The following FYB1 variants were observed in gnomAD, a reference collection of about 807,000 sequenced individuals.
The protein encoded by FYB1 is FYN binding protein 1.
In FYB1, 41 loss-of-function variants were observed where a neutral mutation model predicts 94.1. That is an observed-to-expected ratio of 0.44 (90% CI 0.34 to 0.57). FYB1 has a LOEUF of 0.57. Ranked by LOEUF, FYB1 falls within the 20% of genes least tolerant of loss-of-function variation. FYB1 has a pLI of 0.02. For synonymous variants in FYB1, 367 were observed against 353.2 expected (o/e 1.04, Z -0.44); for missense variants, 1,050 against 976.8 (o/e 1.07, Z -1.00).
At position 39,118,879 on chromosome 5, in the gene FYB1, C is replaced by T; in HGVS notation, c.2396G>A (p.Gly799Glu). ...DTKVLCRNEE[G>E]KYGYVLRSYL... ...TAGTATAAGCAGTGACTTACATTTC[C>T]CTTCTTCATTTCTGCAGAGAACTTT... The change falls in exon 16 of 19, where the codon GGG (glycine) becomes GAG (glutamate). Residue 799 changes from glycine to glutamate, a missense_variant. Coordinates refer to ENST00000512982, the MANE Select transcript of FYB1 (RefSeq NM_001465.6). The T allele has an allele frequency of 6.6e-7, 1 of 1,504,084 alleles. No homozygotes were observed. Among genetic ancestry groups the T allele is most frequent in the Non-Finnish European group, 9.0e-7 (1 of 1,117,286 alleles). The allele number at this position is 1,504,084 out of a possible 1,614,324, so 93.2% of individuals were successfully genotyped here.
intron 6 of FYB1, 143 bp from the exon 7 acceptor site, chr5:39,137,863 CG>C: frequency 1.9e-6 from 2 of 1,049,518 alleles, no homozygotes; most frequent in South Asian, 3.1e-5. Context: ...TGTCAAAATC[CG>C]GAATGTGTGA....
chr5:39,248,079 G>A (rs544949096), intron 1 of FYB1, among the ~76,000 whole-genome samples: 23 of 152,182 alleles, frequency 1.5e-4, no homozygotes, highest in Admixed American at 9.8e-4. Flanking sequence ...GGTGGAGAGA[G>A]TCAGGTGGAA....
intron 1 of FYB1, among the ~76,000 whole-genome samples, chr5:39,225,096 C>T (rs1419985442): frequency 6.6e-6 from 1 of 152,146 alleles, no homozygotes; most frequent in Admixed American, 6.6e-5. Context: ...ATCCTTTAGT[C>T]TCTTCCTGAT....
chr5:39,109,850 CTT>C (rs1738899359), intron 17 of FYB1, among the ~76,000 whole-genome samples: 1 of 152,124 alleles, frequency 6.6e-6, no homozygotes, highest in South Asian at 2.1e-4. Flanking sequence ...TGATGACTGT[CTT>C]TTTTTCTGGC....
chr5:39,176,276 G>A (rs538334928), intron 2 of FYB1, among the ~76,000 whole-genome samples: 4 of 149,532 alleles, frequency 2.7e-5, no homozygotes, highest in African/African-American at 4.9e-5. Context: ...TCAGCCTCCC[G>A]AGTAGCTGGG....
chr5:39,127,995 CA>C (rs1319605196), intron 10 of FYB1, among the ~76,000 whole-genome samples, 188 bp from the exon 11 acceptor site: 1 of 151,956 alleles, frequency 6.6e-6, no homozygotes, highest in African/African-American at 2.4e-5. Flanking sequence ...ATTACAATAA[CA>C]AAATGAGGGC....
intron 2 of FYB1, among the ~76,000 whole-genome samples, chr5:39,186,638 C>CTTTTTTTTTTTT (rs56144868): frequency 1.3e-5 from 1 of 76,356 alleles, no homozygotes; most frequent in Non-Finnish European, 2.5e-5. Context: ...CAATTGGATG[C>CTTTTTTTTTTTT]TTTTTTTTTT....
chr5:39,189,186 A>G (rs2150452849), intron 2 of FYB1, among the ~76,000 whole-genome samples: 1 of 151,770 alleles, frequency 6.6e-6, no homozygotes, highest in Admixed American at 6.6e-5. Context: ...AAAGAACCTG[A>G]AAGCTTTCAA....
At chr5:39,158,473 T>A (rs753809061) in intron 2 of FYB1, among the ~76,000 whole-genome samples, 7 of 152,026 alleles carry the variant, frequency 4.6e-5, no homozygotes, top group Non-Finnish European at 1.0e-4. Context: ...TTGAGGGCAA[T>A]GGAAGATGGA....
At chr5:39,231,304 G>T (rs1750736124) in intron 1 of FYB1, among the ~76,000 whole-genome samples, 1 of 152,014 alleles carries the variant, frequency 6.6e-6, no homozygotes, top group Non-Finnish European at 1.5e-5. Context: ...ACATTCAAAA[G>T]CACCTGGCAC....
At chr5:39,169,502 A>G in intron 2 of FYB1, 1 of 613,486 alleles carries the variant, frequency 1.6e-6, no homozygotes, top group South Asian at 1.4e-5. Context: ...ACCCGTTACT[A>G]CTACTTCCAG....
At chr5:39,138,395 G>T in intron 6 of FYB1, 2 of 319,260 alleles carry the variant, frequency 6.3e-6, no homozygotes. Flanking sequence ...TCAGATTTCT[G>T]TCTCTGATTC....
At chr5:39,132,193 G>A (rs1056806838) in intron 9 of FYB1, among the ~76,000 whole-genome samples, 4 of 152,168 alleles carry the variant, frequency 2.6e-5, no homozygotes. Context: ...CTTCACTCTA[G>A]GGAATCAGGA....
intron 1 of FYB1, among the ~76,000 whole-genome samples, chr5:39,226,409 A>G (rs1561290340): frequency 6.6e-6 from 1 of 152,066 alleles, no homozygotes; most frequent in African/African-American, 2.4e-5. Flanking sequence ...AAAAAAAAAA[A>G]AAATCAACTC....
chr5:39,252,626 A>T (rs1399745934), intron 1 of FYB1, among the ~76,000 whole-genome samples: 1 of 152,224 alleles, frequency 6.6e-6, no homozygotes, highest in Non-Finnish European at 1.5e-5. Flanking sequence ...AGTAACACAC[A>T]TACAGAGAGA....
intron 3 of FYB1, among the ~76,000 whole-genome samples, chr5:39,145,044 G>C (rs1361665657): frequency 6.6e-6 from 1 of 152,078 alleles, no homozygotes; most frequent in African/African-American, 2.4e-5. Context: ...AATATAAGAG[G>C]CAAGTGGGTG....
chr5:39,173,390 C>T (rs10073169), intron 2 of FYB1, among the ~76,000 whole-genome samples: 20,067 of 151,952 alleles, frequency 0.13, 2,562 homozygotes, highest in East Asian at 0.54. Context: ...ATTCTTTAGG[C>T]TGTTTACTCT....
At chr5:39,204,851 A>G (rs969851584) in intron 1 of FYB1, among the ~76,000 whole-genome samples, 1 of 152,206 alleles carries the variant, frequency 6.6e-6, no homozygotes, top group Non-Finnish European at 1.5e-5. Context: ...TGAATTTTGT[A>G]ACTTTAATTT....
At chr5:39,245,521 G>A (rs1218062380) in intron 1 of FYB1, among the ~76,000 whole-genome samples, 2 of 152,124 alleles carry the variant, frequency 1.3e-5, no homozygotes, top group African/African-American at 4.8e-5. Flanking sequence ...GGGCAGAGAA[G>A]CGGGTTCTAT....
Sources: allele counts gnomAD v4.1 joint callset (sites outside exome capture counted in the v4.1 genomes callset), GRCh38; gene constraint gnomAD v4.1.1; transcripts MANE v1.5; gene names NCBI Gene and HGNC (gene_info 2026-07-23, HGNC 2026-07-21).